Variants in WDR49 observed in about 807,000 individuals in gnomAD.
The protein encoded by WDR49 is cilia- and flagella-associated protein 337.
WDR49 carries 107 observed loss-of-function variants against 119.5 expected under a neutral mutation model. The observed-to-expected ratio is 0.90, with a 90% CI of 0.77 to 1.05. The LOEUF (loss-of-function observed/expected upper bound fraction) is 1.05. Ranked by LOEUF, WDR49 falls within the 50% of genes least tolerant of loss-of-function variation. The pLI is 0.00. For missense variants in WDR49, 1,240 were observed against 1,220.5 expected, an observed-to-expected ratio of 1.02 and a Z score of -0.24; for synonymous variants, 425 against 418.8, an observed-to-expected ratio of 1.01 and a Z score of -0.18.
chr3:167,500,925 C>G (rs1393101839), intron 17 of WDR49, among the ~76,000 whole-genome samples: 1 of 152,142 alleles, frequency 6.6e-6, no homozygotes, highest in Non-Finnish European at 1.5e-5. Flanking sequence ...AAGGTAGGAA[C>G]TGGGTTTTTG....
At chr3:167,490,997 A>G (rs1033673845) in intron 18 of WDR49, among the ~76,000 whole-genome samples, 4 of 151,834 alleles carry the variant, frequency 2.6e-5, no homozygotes, top group Non-Finnish European at 5.9e-5. Context: ...CCTCCCACCT[A>G]AGGACATTAC....
chr3:167,655,769 G>T (rs917194174), upstream of WDR49, among the ~76,000 whole-genome samples: 2 of 152,062 alleles, frequency 1.3e-5, no homozygotes, highest in Non-Finnish European at 2.9e-5. Context: ...ATGGTGGCAG[G>T]CGCCTGTAAT....
chr3:167,502,279 G>T (rs756846250), intron 17 of WDR49, among the ~76,000 whole-genome samples: 1 of 152,170 alleles, frequency 6.6e-6, no homozygotes, highest in African/African-American at 2.4e-5. Context: ...CTGCAGAACC[G>T]TGATCCAATT....
In WDR49 at chr3:167,516,878, C is replaced by A. The variant is rs1246790672; in HGVS notation, c.2774+5437G>T. On this transcript the variant is annotated intron_variant, in intron 16 of 18. Transcript: ENST00000682715. ...CTCAAACAAATTTACAAGAAAAAAA[C>A]AAACAACCCCATCAAAAAGTGGGCA... 2.0e-5 allele frequency among the ~76,000 whole-genome samples: 3 copies of A among 152,146 alleles called. No individual in the cohort carries two copies. In the East Asian group the frequency reaches 5.8e-4, roughly 29 times the overall value.
upstream of WDR49, among the ~76,000 whole-genome samples, chr3:167,657,868 A>G (rs1342275021): frequency 2.6e-5 from 4 of 152,204 alleles, no homozygotes; most frequent in Non-Finnish European, 5.9e-5. Context: ...GCAAAGCCCC[A>G]GACACCCGCT....
At chr3:167,585,433 T>C (rs1047419086) in intron 7 of WDR49, among the ~76,000 whole-genome samples, 261 of 145,412 alleles carry the variant, frequency 1.8e-3, no homozygotes, top group African/African-American at 6.5e-3. Flanking sequence ...TGTGTGTGTG[T>C]CATGGCTAAC....
At chr3:167,550,442 T>C (rs1019256837) in intron 10 of WDR49, among the ~76,000 whole-genome samples, 2 of 152,126 alleles carry the variant, frequency 1.3e-5, no homozygotes, top group Non-Finnish European at 2.9e-5. Flanking sequence ...AGGTATTTTA[T>C]TCTCTTTGAA....
intron 10 of WDR49, among the ~76,000 whole-genome samples, chr3:167,551,804 A>G (rs1712588827): frequency 6.6e-6 from 1 of 151,962 alleles, no homozygotes; most frequent in African/African-American, 2.4e-5. Context: ...AACATTTATT[A>G]AGTCACTCAA....
At chr3:167,511,567 C>A (rs1290941953) in intron 16 of WDR49, among the ~76,000 whole-genome samples, 1 of 152,106 alleles carries the variant, frequency 6.6e-6, no homozygotes, top group African/African-American at 2.4e-5. Context: ...CCAGGGAAAC[C>A]ATGTTTTTTT....
intron 2 of WDR49, chr3:167,633,542 G>A (rs757424353): frequency 4.5e-6 from 2 of 447,458 alleles, no homozygotes; most frequent in South Asian, 3.2e-5. Context: ...CCTGGACTTG[G>A]CAGAAAGTAA....
At chr3:167,487,407 A>T (rs925026863) in intron 18 of WDR49, among the ~76,000 whole-genome samples, 4 of 152,060 alleles carry the variant, frequency 2.6e-5, no homozygotes, top group Non-Finnish European at 5.9e-5. Context: ...TAAATATAAG[A>T]CCCCAAACTG....
At chr3:167,575,829 C>T (rs1714218440) in intron 8 of WDR49, 89 bp downstream of exon 8, 5 of 1,365,080 alleles carry the variant, frequency 3.7e-6, no homozygotes, top group Non-Finnish European at 5.1e-6. Flanking sequence ...CTATATTTGT[C>T]TTTCATTTTA....
chr3:167,479,686 A>G (rs546763254), intron 18 of WDR49, among the ~76,000 whole-genome samples: 21 of 152,332 alleles, frequency 1.4e-4, no homozygotes, highest in Admixed American at 1.3e-3. Context: ...GTACCCAAAT[A>G]ACCAAAACAT....
intron 12 of WDR49, among the ~76,000 whole-genome samples, chr3:167,532,506 G>C (rs537748254): frequency 6.6e-6 from 1 of 152,126 alleles, no homozygotes; most frequent in Non-Finnish European, 1.5e-5. Context: ...AGTCTGAACA[G>C]CCTATCGAGT....
chr3:167,482,284 T>G (rs1750743792), intron 18 of WDR49, among the ~76,000 whole-genome samples: 1 of 152,132 alleles, frequency 6.6e-6, no homozygotes, highest in African/African-American at 2.4e-5. Flanking sequence ...ACATTCAAGT[T>G]GTCCTTCAAA....
At chr3:167,566,679 C>T (rs558752765) in intron 8 of WDR49, among the ~76,000 whole-genome samples, 2 of 152,036 alleles carry the variant, frequency 1.3e-5, no homozygotes, top group Admixed American at 6.6e-5. Context: ...CATATTCTAC[C>T]GTTGACCAGA....
chr3:167,573,012 T>C (rs1221511384), intron 8 of WDR49, among the ~76,000 whole-genome samples: 1 of 152,166 alleles, frequency 6.6e-6, no homozygotes, highest in African/African-American at 2.4e-5. Flanking sequence ...TGCCACATTG[T>C]TAAAATAAAG....
intron 11 of WDR49, among the ~76,000 whole-genome samples, chr3:167,535,636 A>G (rs1752994571): frequency 6.6e-6 from 1 of 152,150 alleles, no homozygotes; most frequent in Non-Finnish European, 1.5e-5. Context: ...AAACACTTAC[A>G]TATGGCTGGT....
At chr3:167,497,892 T>TTTTC (rs397943380) in intron 18 of WDR49, among the ~76,000 whole-genome samples, 83 of 151,424 alleles carry the variant, frequency 5.5e-4, no homozygotes, top group African/African-American at 2.0e-3. Flanking sequence ...TTTTTTTTTT[T>TTTTC]CAACAGGCTA....
Sources: gnomAD v4.1 joint callset for allele counts (sites outside exome capture counted in the v4.1 genomes callset) on GRCh38, gnomAD v4.1.1 for gene constraint, MANE v1.5 for transcripts, NCBI Gene and HGNC (gene_info 2026-07-23, HGNC 2026-07-21) for gene names.